Variants in PTPRD observed in about 807,000 individuals in gnomAD.
PTPRD encodes protein tyrosine phosphatase receptor type D, also known as receptor-type tyrosine-protein phosphatase delta.
Under a neutral mutation model 214.5 loss-of-function variants are expected in PTPRD, and 34 were observed. That is an observed-to-expected ratio of 0.16 (90% CI 0.12 to 0.21). The LOEUF (loss-of-function observed/expected upper bound fraction) is 0.21, where lower values mean the gene tolerates loss of function less well. PTPRD is among the 10% of genes least tolerant of loss of function. The pLI, the probability that PTPRD is intolerant of heterozygous loss-of-function variation, is 1.00. For synonymous variants in PTPRD, 1,128 were observed against 845.7 expected (o/e 1.33, Z -5.79); for missense variants, 2,545 against 2,398.7 (o/e 1.06, Z -1.27).
intron 8 of PTPRD, among the ~76,000 whole-genome samples, chr9:9,520,185 C>T (rs542191696): frequency 2.7e-5 from 4 of 150,404 alleles, no homozygotes; most frequent in Non-Finnish European, 5.9e-5. Flanking sequence ...TAATGCTTTA[C>T]ATTTATTTTT....
intron 8 of PTPRD, among the ~76,000 whole-genome samples, chr9:9,515,098 A>T (rs2096801948): frequency 6.6e-6 from 1 of 152,028 alleles, no homozygotes; most frequent in African/African-American, 2.4e-5. Flanking sequence ...AGGGAGCTAA[A>T]ATCCTTGATT....
chr9:9,644,386 G>A (rs2154368271), intron 7 of PTPRD, among the ~76,000 whole-genome samples: 1 of 152,226 alleles, frequency 6.6e-6, no homozygotes, highest in Admixed American at 6.5e-5. Flanking sequence ...CATCAATCAT[G>A]ACAATCATAT....
At chr9:9,947,451 ATTTT>A (rs373177281) in intron 4 of PTPRD, among the ~76,000 whole-genome samples, 1 of 38,088 alleles carries the variant, frequency 2.6e-5, no homozygotes, top group African/African-American at 1.2e-4. Context: ...TATTTTATAT[ATTTT>A]TATATATACT....
intron 11 of PTPRD, among the ~76,000 whole-genome samples, chr9:8,915,069 C>G (rs1342731882): frequency 6.6e-6 from 1 of 152,030 alleles, no homozygotes; most frequent in African/African-American, 2.4e-5. Context: ...AGAAAGCTCT[C>G]TAAGAGAGGA....
intron 12 of PTPRD, among the ~76,000 whole-genome samples, chr9:8,661,141 C>G (rs1336214404): frequency 6.6e-6 from 1 of 152,014 alleles, no homozygotes; most frequent in Non-Finnish European, 1.5e-5. Context: ...TTTCATATGC[C>G]AGACCCTTAC....
intron 7 of PTPRD, among the ~76,000 whole-genome samples, chr9:9,624,331 G>A (rs1209165556): frequency 2.0e-5 from 3 of 151,972 alleles, no homozygotes; most frequent in Non-Finnish European, 2.9e-5. Context: ...CACCCAGGCT[G>A]GAGTACAGTG....
At position 9,446,124 on chromosome 9, in the gene PTPRD, G is replaced by A. The variant is rs149469128; in HGVS notation, c.-236-48642C>T. Among the ~76,000 whole-genome samples, 573 of 152,158 alleles carry A rather than the reference G, an allele frequency of 3.8e-3. 2 individuals are homozygous for A. The highest frequency in any genetic ancestry group is 0.013 in the African/African-American group (539 of 41,506). ...ATAATATTTTGTTTGATATTTGCAC[G>A]TGGCACCTCCAAGATGATCCTTCAA... On this transcript the variant is annotated intron_variant, in intron 8 of 45. Transcript: ENST00000381196.
At chr9:9,169,317 T>C (rs182928143) in intron 10 of PTPRD, among the ~76,000 whole-genome samples, 31 of 152,208 alleles carry the variant, frequency 2.0e-4, no homozygotes, top group Non-Finnish European at 3.8e-4. Context: ...CACACTAAAG[T>C]TCCTATACTC....
rs1440536196 is a variant in PTPRD at position 9,510,102 on chromosome 9, G to A, written c.-237+64630C>T. Reference sequence around the variant, plus strand: ...CACAGGATCACCTTTACCTGTGTATGGCCCTACTTCCTACTGGGAACTTCT... The same window carrying A: ...CACAGGATCACCTTTACCTGTGTATAGCCCTACTTCCTACTGGGAACTTCT... On this transcript the variant is annotated intron_variant, in intron 8 of 45. Coordinates refer to ENST00000381196, the MANE Select transcript of PTPRD (RefSeq NM_002839.4). Among the ~76,000 whole-genome samples the A allele has an allele frequency of 2.0e-5, 3 of 151,628 alleles. No individual in the cohort carries two copies. The Admixed American group carries it at 2.0e-4, about 10-fold the overall frequency.
intron 9 of PTPRD, among the ~76,000 whole-genome samples, chr9:9,392,667 G>T (rs897625315): frequency 7.2e-5 from 11 of 152,024 alleles, no homozygotes; most frequent in Admixed American, 6.6e-4. Flanking sequence ...TTCGAACTTT[G>T]AACCTTGCTT....
chr9:9,788,368 G>A (rs965923727), intron 5 of PTPRD, among the ~76,000 whole-genome samples: 4 of 151,124 alleles, frequency 2.6e-5, no homozygotes, highest in Middle Eastern at 3.5e-3. Context: ...TGACTAACAC[G>A]GTGAAACCCC....
At chr9:9,342,441 G>T (rs1238862026) in intron 9 of PTPRD, among the ~76,000 whole-genome samples, 1 of 152,244 alleles carries the variant, frequency 6.6e-6, no homozygotes, top group East Asian at 1.9e-4. Context: ...AGTAATGTTA[G>T]TAAATAAAAT....
chr9:9,694,339 G>C (rs12339000), intron 7 of PTPRD, among the ~76,000 whole-genome samples: 54,412 of 151,704 alleles, frequency 0.36, 9,977 homozygotes, highest in Admixed American at 0.49. Flanking sequence ...TCTTGGATAA[G>C]ATCTGGATGA....
At chr9:10,045,775 G>A (rs2097377776) in intron 3 of PTPRD, among the ~76,000 whole-genome samples, 1 of 151,738 alleles carries the variant, frequency 6.6e-6, no homozygotes, top group African/African-American at 2.4e-5. Flanking sequence ...GCAAACGTTT[G>A]CTACAAATGC....
chr9:8,947,487 G>GA (rs982552694), intron 11 of PTPRD, among the ~76,000 whole-genome samples: 8 of 142,462 alleles, frequency 5.6e-5, no homozygotes, highest in African/African-American at 1.0e-4. Flanking sequence ...AAAGAAAAAA[G>GA]AAAAAAAAAA....
At chr9:8,491,171 C>A (rs747113335) in intron 27 of PTPRD, among the ~76,000 whole-genome samples, 15 of 152,198 alleles carry the variant, frequency 9.9e-5, no homozygotes, top group Non-Finnish European at 1.6e-4. Flanking sequence ...GTGTAGGCAT[C>A]TAAATTACAA....
chr9:10,304,253 G>A (rs1264031112), intron 3 of PTPRD, among the ~76,000 whole-genome samples: 4 of 152,082 alleles, frequency 2.6e-5, no homozygotes, highest in African/African-American at 9.7e-5. Context: ...GGTACTGACG[G>A]AATGTATCTC....
chr9:8,459,212 A>G (rs1467480370), intron 33 of PTPRD, among the ~76,000 whole-genome samples: 4 of 152,204 alleles, frequency 2.6e-5, no homozygotes, highest in East Asian at 3.9e-4. Flanking sequence ...AAAAGAGTGA[A>G]TGGAAATGAG....
intron 2 of PTPRD, among the ~76,000 whole-genome samples, chr9:10,427,664 C>T (rs748014993): frequency 2.6e-5 from 4 of 151,880 alleles, no homozygotes; most frequent in Non-Finnish European, 4.4e-5. Flanking sequence ...GTTTCTGTCC[C>T]GATTAGATAA....
Sources: gnomAD v4.1 joint callset for allele counts (sites outside exome capture counted in the v4.1 genomes callset) on GRCh38, gnomAD v4.1.1 for gene constraint, MANE v1.5 for transcripts, NCBI Gene and HGNC (gene_info 2026-07-23, HGNC 2026-07-21) for gene names.